CRABP1: variants seen among roughly 807,000 people sequenced by gnomAD.
The protein encoded by CRABP1 is cellular retinoic acid binding protein 1, also known as cellular retinoic acid-binding protein 1.
In CRABP1, 9 loss-of-function variants were observed where a neutral mutation model predicts 16.4. The ratio of observed to expected loss-of-function variants is 0.55; its 90% confidence interval spans 0.33 to 0.96. CRABP1 has a LOEUF of 0.96. Among genes scored for constraint, CRABP1 ranks in the 40% least tolerant of loss-of-function variants. CRABP1 has a pLI of 0.03. For missense variants in CRABP1, 157 were observed against 186.0 expected, an observed-to-expected ratio of 0.84 and a Z score of 0.91; for synonymous variants, 72 against 70.4, an observed-to-expected ratio of 1.02 and a Z score of -0.11.
chr15:78,340,477 G>A lies in CRABP1; in HGVS notation c.49G>A (p.Asp17Asn), dbSNP rs2050225934. 1 of 1,608,148 alleles carries A rather than the reference G, an allele frequency of 6.2e-7. No individual in the cohort carries two copies. The highest frequency in any genetic ancestry group is 8.5e-7 in the Non-Finnish European group (1 of 1,178,548). The change falls in exon 1 of 4, where the codon GAC (aspartate) becomes AAC (asparagine). Residue 17 changes from aspartate (D) to asparagine (N), a missense_variant. Coordinates refer to ENST00000299529, the MANE Select transcript of CRABP1 (RefSeq NM_004378.3). ...GAAGATGCGCAGCAGCGAGAATTTC[G>A]ACGAGCTGCTCAAGGCACTGGGTAA... ...TWKMRSSENF[D>N]ELLKALGVNA...
Position 78,341,263 on chromosome 15 carries a change from C to T in CRABP1, c.249+42C>T, listed in dbSNP as rs1197146401. 6 of 1,577,284 alleles carry T rather than the reference C, an allele frequency of 3.8e-6. No homozygotes were observed. Among genetic ancestry groups the T allele is most frequent in the South Asian group, 1.2e-5 (1 of 86,362 alleles). ...ACTACAGCGTCCCCGTGTCCCCGCT[C>T]GGTGCCCATGGCCCACTGCTGCTGG... On this transcript the variant is annotated intron_variant, in intron 2 of 3. Coordinates refer to ENST00000299529, the MANE Select transcript of CRABP1 (RefSeq NM_004378.3). This position sits in a 1 kb window ranked among gnomAD's most constrained non-coding sequence, Gnocchi z 5.3.
chr15:78,348,147 T>C lies in CRABP1; in HGVS notation c.*170T>C. 2 of 628,656 alleles carry C rather than the reference T, an allele frequency of 3.2e-6. No homozygotes were observed. The highest frequency in any genetic ancestry group is 5.6e-6 in the Non-Finnish European group (2 of 359,488). 38.9% of individuals were successfully genotyped at this position (628,656 alleles called of 1,614,324 possible). A position where few individuals can be genotyped will look rare whatever the true frequency, so the allele number is the denominator to read the frequency against. ...CCCACCCCCACCCCCCAGGCCTTGG[T>C]GCCTCTTGTATCCCTAGTGCTCCAT... On this transcript the variant is annotated 3_prime_UTR_variant, in exon 4 of 4. Coordinates refer to ENST00000299529, the MANE Select transcript of CRABP1 (RefSeq NM_004378.3).
intron 3 of CRABP1, among the ~76,000 whole-genome samples, chr15:78,345,692 C>T (rs746629022): frequency 2.0e-5 from 3 of 152,154 alleles, no homozygotes; most frequent in Non-Finnish European, 4.4e-5. Context: ...TCTATCCCTG[C>T]ATTCTTCCCT....
Position 78,348,015 on chromosome 15 carries a change from A to G in CRABP1, c.*38A>G, listed in dbSNP as rs1157272157. The G allele has an allele frequency of 1.9e-6, 3 of 1,600,248 alleles. No homozygotes were observed. The highest frequency in any genetic ancestry group is 2.6e-6 in the Non-Finnish European group (3 of 1,168,172). ...TGCTCCTACTTTCAGGAAGGGATGC[A>G]GGCTCCCCTGAGGAATATGTCATAG... is the stretch of plus-strand genomic sequence containing the variant. On this transcript the variant is annotated 3_prime_UTR_variant, in exon 4 of 4. Coordinates refer to ENST00000299529, the MANE Select transcript of CRABP1 (RefSeq NM_004378.3).
chr15:78,345,428 G>A (rs545923762), intron 3 of CRABP1, among the ~76,000 whole-genome samples: 12 of 152,218 alleles, frequency 7.9e-5, no homozygotes, highest in African/African-American at 7.2e-5. Flanking sequence ...ATACTTGCTG[G>A]GCTTGGGGGA....
chr15:78,342,581 C>G (rs2050241360), intron 2 of CRABP1, among the ~76,000 whole-genome samples: 1 of 152,178 alleles, frequency 6.6e-6, no homozygotes, highest in Non-Finnish European at 1.5e-5. Context: ...CAGGAAATCC[C>G]TCCTTTTGCC....
chr15:78,346,716 ACTTGAACTATTTCC>A, intron 3 of CRABP1, among the ~76,000 whole-genome samples: 1 of 152,308 alleles, frequency 6.6e-6, no homozygotes, highest in South Asian at 2.1e-4. Context: ...GTCACTAAGG[ACTTGAACTATTTCC>A]CTGAAGCACA....
chr15:78,347,085 TG>T (rs2050270485), intron 3 of CRABP1, among the ~76,000 whole-genome samples: 1 of 152,054 alleles, frequency 6.6e-6, no homozygotes, highest in Non-Finnish European at 1.5e-5. Flanking sequence ...TTGCTAGTTT[TG>T]GGGGAAAGTT....
chr15:78,343,954 C>A (rs543282673), intron 3 of CRABP1, among the ~76,000 whole-genome samples: 1 of 152,206 alleles, frequency 6.6e-6, no homozygotes, highest in Non-Finnish European at 1.5e-5. Context: ...GAGGTCCCCA[C>A]GCTCACATGG....
rs768020095 is a variant in CRABP1, at chr15:78,348,004, G to A, written c.*27G>A. ...GGCAGCTGGCTTGCTCCTACTTTCAGGAAGGGATGCAGGCTCCCCTGAGGA... is the reference window on the plus strand; with the variant it reads ...GGCAGCTGGCTTGCTCCTACTTTCAAGAAGGGATGCAGGCTCCCCTGAGGA... On this transcript the variant is annotated 3_prime_UTR_variant, in exon 4 of 4. Transcript: ENST00000299529. 19 of 1,611,628 alleles carry A rather than the reference G, an allele frequency of 1.2e-5. No individual in the cohort carries two copies. The African/African-American group carries it at 2.1e-4, about 18-fold the overall frequency.
At chr15:78,347,276 C>T (rs926231898) in intron 3 of CRABP1, among the ~76,000 whole-genome samples, 2 of 152,188 alleles carry the variant, frequency 1.3e-5, no homozygotes, top group Non-Finnish European at 2.9e-5. Flanking sequence ...ACACCAGCCC[C>T]TGCCTGCCCC....
At position 78,340,411 on chromosome 15, in the gene CRABP1, G is replaced by T. The variant is rs760041116; in HGVS notation, c.-18G>T. The T allele has an allele frequency of 5.1e-6, 8 of 1,580,566 alleles. No individual in the cohort carries two copies. In the Admixed American group the frequency reaches 7.3e-5, roughly 14 times the overall value. On this transcript the variant is annotated 5_prime_UTR_variant, in exon 1 of 4. Coordinates refer to ENST00000299529, the MANE Select transcript of CRABP1 (RefSeq NM_004378.3). Reference sequence around the variant, plus strand: ...TGCGCCGCCGCTGTCCGTACCTGCCGCCGCCGCCACCGCCACCATGCCCAA... The same window carrying T: ...TGCGCCGCCGCTGTCCGTACCTGCCTCCGCCGCCACCGCCACCATGCCCAA...
chr15:78,343,533 ACTG>A lies in CRABP1; in HGVS notation c.286_288del (p.Cys96del). 1 of 1,614,196 alleles carries A rather than the reference ACTG, an allele frequency of 6.2e-7. No homozygotes were observed. Among genetic ancestry groups the A allele is most frequent in the East Asian group, 2.2e-5 (1 of 44,890 alleles). On this transcript the variant is annotated inframe_deletion, in exon 3 of 4. Coordinates refer to ENST00000299529, the MANE Select transcript of CRABP1 (RefSeq NM_004378.3). ...ACTTGGGAGAATGAGAACAAGATCCACTGCACGCAAACTCTTCTTGAAGGGGAC... is the reference window on the plus strand; with the variant it reads ...ACTTGGGAGAATGAGAACAAGATCCACACGCAAACTCTTCTTGAAGGGGAC...
intron 2 of CRABP1, among the ~76,000 whole-genome samples, chr15:78,343,239 C>T (rs186502129): frequency 5.9e-4 from 90 of 152,206 alleles, no homozygotes; most frequent in African/African-American, 2.1e-3. Context: ...CCTAAGGCCT[C>T]GCTGCTTCAG....
At chr15:78,343,683 A>G in intron 3 of CRABP1, 71 bp downstream of exon 3, 1 of 1,111,792 alleles carries the variant, frequency 9.0e-7, no homozygotes, top group Non-Finnish European at 1.3e-6. Flanking sequence ...CCCCACAAAT[A>G]TGTCCTCCTC....
At position 78,341,360 on chromosome 15, in the gene CRABP1, AG is replaced by A; in HGVS notation, c.249+144del. The A allele has an allele frequency of 1.0e-6, 1 of 975,666 alleles. No homozygotes were observed. Among genetic ancestry groups the A allele is most frequent in the South Asian group, 1.4e-5 (1 of 69,656 alleles). 60.4% of individuals were successfully genotyped at this position (975,666 alleles called of 1,614,324 possible). ...GGGTGTGTACACTGGCTGTTTGCAG[AG>A]GGGGTTTGTGCATCCTAGTTGCCCC... On this transcript the variant is annotated intron_variant, in intron 2 of 3. Coordinates refer to ENST00000299529, the MANE Select transcript of CRABP1 (RefSeq NM_004378.3). This position sits in a 1 kb window ranked among gnomAD's most constrained non-coding sequence, Gnocchi z 5.3.
At chr15:78,340,980 C>T (rs2050229814) in intron 1 of CRABP1, 63 bp from the exon 2 acceptor site, 1 of 1,532,116 alleles carries the variant, frequency 6.5e-7, no homozygotes, top group South Asian at 1.2e-5. Context: ...TGACCAGTGC[C>T]CGACCGGTCC....
chr15:78,347,021 CT>C (rs1484274878), intron 3 of CRABP1, among the ~76,000 whole-genome samples: 1 of 148,794 alleles, frequency 6.7e-6, no homozygotes, highest in Non-Finnish European at 1.5e-5. Flanking sequence ...ATACATATTG[CT>C]TTCCCTGTTC....
chr15:78,343,155 T>G (rs1031180849), intron 2 of CRABP1, among the ~76,000 whole-genome samples: 2 of 152,112 alleles, frequency 1.3e-5, no homozygotes, highest in African/African-American at 4.8e-5. Flanking sequence ...CCAAATTGTT[T>G]GAAGGGTTAG....
Sources: allele counts gnomAD v4.1 joint callset (sites outside exome capture counted in the v4.1 genomes callset), GRCh38; gene constraint gnomAD v4.1.1; non-coding constraint Gnocchi (gnomAD v3.1); transcripts MANE v1.5; gene names NCBI Gene and HGNC (gene_info 2026-07-23, HGNC 2026-07-21).